The following SERINC5 variants were observed in gnomAD, a reference collection of about 807,000 sequenced individuals.
SERINC5 encodes the protein chromosome 5 open reading frame 12.
SERINC5 carries 41 observed loss-of-function variants against 63.1 expected under a neutral mutation model. The observed-to-expected ratio is 0.65, with a 90% confidence interval of 0.51 to 0.84. The LOEUF (loss-of-function observed/expected upper bound fraction) is 0.84. SERINC5 is among the 40% of genes least tolerant of loss of function. The pLI is 0.00. For missense variants in SERINC5, 523 were observed against 573.0 expected, an observed-to-expected ratio of 0.91 and a Z score of 0.89; for synonymous variants, 222 against 215.2, an observed-to-expected ratio of 1.03 and a Z score of -0.28.
intron 1 of SERINC5, among the ~76,000 whole-genome samples, chr5:80,222,523 C>T (rs1324980290): frequency 6.6e-6 from 1 of 151,270 alleles, no homozygotes. Context: ...CAGATCCAAC[C>T]CAGAAGTTTT....
rs772733955 is a variant in SERINC5, at chr5:80,178,045, A to G, written c.215T>C (p.Met72Thr). The change falls in exon 3 of 12, where the codon ATG (methionine) becomes ACG (threonine). Residue 72 changes from methionine to threonine, a missense_variant. By Grantham distance (81) the Met-to-Thr change is moderately conservative. Transcript: ENST00000507668. ...MKEHIPFFED[M>T]CKGIKAGDTC... ...GTCACCAGCTTTAATGCCTTTACAC[A>G]TATCTTCAAAAAAAGGAATCTGAGG... 3.8e-5 allele frequency: 60 copies of G among 1,597,142 alleles called. No individual in the cohort carries two copies. Among genetic ancestry groups the G allele is most frequent in the East Asian group, 6.7e-5 (3 of 44,754 alleles).
intron 1 of SERINC5, among the ~76,000 whole-genome samples, chr5:80,222,114 C>T (rs961768753): frequency 1.3e-5 from 2 of 152,074 alleles, no homozygotes; most frequent in Admixed American, 1.3e-4. Flanking sequence ...CACCACCACA[C>T]TCCAGCCTGG....
intron 11 of SERINC5, chr5:80,116,098 G>GA (rs2112222283): frequency 2.8e-6 from 1 of 356,062 alleles, no homozygotes; most frequent in East Asian, 7.5e-5. Flanking sequence ...AGGCAGGGCA[G>GA]AAAGCCTCCA....
chr5:80,147,202 TGCA>T, intron 10 of SERINC5, 40 bp downstream of exon 10: 1 of 1,551,882 alleles, frequency 6.4e-7, no homozygotes, highest in South Asian at 1.2e-5. Context: ...GTTATAGGTC[TGCA>T]GTGCCACACA....
At chr5:80,197,705 C>A (rs1369729435) in intron 2 of SERINC5, among the ~76,000 whole-genome samples, 1 of 152,210 alleles carries the variant, frequency 6.6e-6, no homozygotes, top group Non-Finnish European at 1.5e-5. Context: ...TCCTCCCTCC[C>A]CAAACACCCA....
intron 11 of SERINC5, among the ~76,000 whole-genome samples, chr5:80,127,044 C>T (rs553778995): frequency 2.0e-5 from 3 of 152,272 alleles, no homozygotes; most frequent in East Asian, 1.9e-4. Flanking sequence ...GATATACTGA[C>T]AGCCTATGTG....
intron 1 of SERINC5, among the ~76,000 whole-genome samples, chr5:80,236,473 G>A (rs531477248): frequency 1.2e-4 from 18 of 151,946 alleles, no homozygotes; most frequent in African/African-American, 4.3e-4. Flanking sequence ...TCAGTAGAAA[G>A]CAGGTTTGTC....
At chr5:80,134,593 A>G (rs1745081955), downstream of SERINC5, among the ~76,000 whole-genome samples, 1 of 152,248 alleles carries the variant, frequency 6.6e-6, no homozygotes, top group South Asian at 2.1e-4. Context: ...GAACAAGGAC[A>G]GCTTGGAGGT....
Position 80,169,401 on chromosome 5 carries a change from G to A in SERINC5, c.697C>T (p.Leu233=). Residue 233 remains leucine, a synonymous_variant, in exon 6 of 12, where the codon CTG becomes TTG. Transcript: ENST00000507668. ...KDSCMENKIL[L]GVNGGLCLLI... ...AGGCACAGGCCTCCATTTACTCCCAGCAGAATTTTGTTTTCCATGCAGCTG... is the reference window on the plus strand; with the variant it reads ...AGGCACAGGCCTCCATTTACTCCCAACAGAATTTTGTTTTCCATGCAGCTG... 3.7e-6 allele frequency: 6 copies of A among 1,613,966 alleles called. No individual in the cohort carries two copies. Among genetic ancestry groups the A allele is most frequent in the Non-Finnish European group, 4.2e-6 (5 of 1,179,864 alleles).
exon 12 of SERINC5, chr5:80,113,620 G>A (rs572565254): frequency 6.8e-6 from 2 of 294,360 alleles, no homozygotes; most frequent in East Asian, 1.1e-4. Flanking sequence ...GAGGTGAAAG[G>A]CACTTCTTAC....
chr5:80,187,871 C>T (rs1204835719), intron 2 of SERINC5, among the ~76,000 whole-genome samples: 4 of 152,160 alleles, frequency 2.6e-5, no homozygotes, highest in Admixed American at 2.6e-4. Context: ...ATACAATAAG[C>T]TCCAAAGGAG....
chr5:80,248,608 T>A (rs1395797114), intron 1 of SERINC5, among the ~76,000 whole-genome samples: 1 of 152,176 alleles, frequency 6.6e-6, no homozygotes, highest in East Asian at 1.9e-4. Context: ...TTAGCCAACA[T>A]CAACCAAAAC....
chr5:80,171,224 G>C (rs1246906925), intron 5 of SERINC5, among the ~76,000 whole-genome samples: 1 of 151,980 alleles, frequency 6.6e-6, no homozygotes, highest in Non-Finnish European at 1.5e-5. Context: ...GGCCAGGCTG[G>C]TCTTGAACTC....
Position 80,142,247 on chromosome 5 carries a change from G to A in SERINC5, c.*1416C>T, listed in dbSNP as rs768501405. The A allele has an allele frequency of 4.1e-5, 40 of 985,224 alleles. No individual in the cohort carries two copies. Among genetic ancestry groups the A allele is most frequent in the Non-Finnish European group, 4.6e-5 (38 of 829,932 alleles). The allele number at this position is 985,224 out of a possible 1,614,324, so 61.0% of individuals were successfully genotyped here. A position where few individuals can be genotyped will look rare whatever the true frequency, so the allele number is the denominator to read the frequency against. On this transcript the variant is annotated 3_prime_UTR_variant, in exon 12 of 12. Coordinates refer to ENST00000507668, the MANE Select transcript of SERINC5 (RefSeq NM_001174072.3). The stretch of plus-strand genomic sequence containing the variant: ...ATCTTGGGTAGCTGCCGAAAGTCAC[G>A]TTTCTGTATTACTTTGCAAGTACGT...
At position 80,231,833 on chromosome 5, in the gene SERINC5, G is replaced by A. The variant is rs1223244506; in HGVS notation, c.27+24063C>T. Among the ~76,000 whole-genome samples, 4 of 152,190 alleles carry A rather than the reference G, an allele frequency of 2.6e-5. No homozygotes were observed. The East Asian group carries it at 7.7e-4, about 29-fold the overall frequency. ...TCATTAAGAATGGCCAGGTGCAGTG[G>A]CTCATGCCAGTAATCCCAGCACTTT... On this transcript the variant is annotated intron_variant, in intron 1 of 11. Transcript: ENST00000507668.
chr5:80,198,467 G>A (rs986372577), intron 2 of SERINC5: 10 of 932,804 alleles, frequency 1.1e-5, no homozygotes, highest in Non-Finnish European at 1.3e-5. Context: ...TAACTGACAA[G>A]GGAGCTGCCC....
intron 2 of SERINC5, among the ~76,000 whole-genome samples, chr5:80,193,002 G>T (rs1246488178): frequency 6.6e-6 from 1 of 152,120 alleles, no homozygotes; most frequent in Non-Finnish European, 1.5e-5. Context: ...TTGCCAAACT[G>T]CTCTCTTTTC....
In SERINC5 at chr5:80,200,023, T is replaced by C. The variant is rs186745915; in HGVS notation, c.195+2863A>G. ...CAGATAGAAAAACTAGCCAGCATGGTGGCTCACGCCTGTAGTCCCAACTAC... is the reference window on the plus strand; with the variant it reads ...CAGATAGAAAAACTAGCCAGCATGGCGGCTCACGCCTGTAGTCCCAACTAC... On this transcript the variant is annotated intron_variant, in intron 2 of 11. Coordinates refer to ENST00000507668, the MANE Select transcript of SERINC5 (RefSeq NM_001174072.3). Among the ~76,000 whole-genome samples the C allele has an allele frequency of 6.5e-3, 986 of 152,344 alleles. 6 individuals carry two copies. Among genetic ancestry groups the C allele is most frequent in the South Asian group, 0.014 (69 of 4,834 alleles).
intron 1 of SERINC5, among the ~76,000 whole-genome samples, chr5:80,210,726 C>G (rs1476750785): frequency 6.6e-6 from 1 of 152,204 alleles, no homozygotes; most frequent in Non-Finnish European, 1.5e-5. Flanking sequence ...GGTTCTTAAG[C>G]CACAGCAACC....
Sources: gnomAD v4.1 joint callset for allele counts (sites outside exome capture counted in the v4.1 genomes callset) on GRCh38, gnomAD v4.1.1 for gene constraint, MANE v1.5 for transcripts, NCBI Gene and HGNC (gene_info 2026-07-23, HGNC 2026-07-21) for gene names.